Variants in VAV3 observed in about 807,000 individuals in gnomAD.
The protein encoded by VAV3 is guanine nucleotide exchange factor VAV3.
A neutral mutation model predicts 131.2 loss-of-function variants in VAV3; 94 were observed. The ratio of observed to expected loss-of-function variants is 0.72; its 90% CI spans 0.61 to 0.85. The LOEUF (loss-of-function observed/expected upper bound fraction) is 0.85. VAV3 is among the 40% of genes least tolerant of loss of function. The pLI, the probability that VAV3 is intolerant of heterozygous loss-of-function variation, is 0.00. For synonymous variants in VAV3, 349 were observed against 342.0 expected (o/e 1.02, Z -0.22); for missense variants, 939 against 1,002.7 (o/e 0.94, Z 0.86).
chr1:107,580,539 C>T (rs1649969336), intron 25 of VAV3, among the ~76,000 whole-genome samples: 5 of 152,214 alleles, frequency 3.3e-5, no homozygotes, highest in Admixed American at 3.3e-4. Context: ...CTCCTGCCAC[C>T]CAGTGTATAG....
At chr1:107,659,645 C>T (rs1016821433) in intron 19 of VAV3, among the ~76,000 whole-genome samples, 10 of 152,004 alleles carry the variant, frequency 6.6e-5, no homozygotes, top group Admixed American at 3.3e-4. Flanking sequence ...AAATGTATCC[C>T]GATTTAGTCA....
intron 19 of VAV3, among the ~76,000 whole-genome samples, chr1:107,679,985 C>T (rs761473069): frequency 1.9e-4 from 29 of 152,080 alleles, no homozygotes; most frequent in Non-Finnish European, 3.4e-4. Flanking sequence ...TAAGTTGATA[C>T]TTTTATTAGC....
chr1:107,821,954 G>T (rs1667811013), intron 2 of VAV3, among the ~76,000 whole-genome samples: 1 of 152,330 alleles, frequency 6.6e-6, no homozygotes, highest in Middle Eastern at 3.4e-3. Context: ...GGAGCAGAAA[G>T]TGGGCACTTT....
intron 1 of VAV3, among the ~76,000 whole-genome samples, chr1:107,912,115 A>C (rs1051439855): frequency 8.5e-5 from 13 of 152,204 alleles, no homozygotes; most frequent in Non-Finnish European, 1.5e-4. Flanking sequence ...AAGCTTTGTG[A>C]AATTTGTAGC....
intron 15 of VAV3, among the ~76,000 whole-genome samples, chr1:107,734,225 AG>A (rs1332169240): frequency 1.3e-5 from 2 of 152,226 alleles, no homozygotes; most frequent in Non-Finnish European, 2.9e-5. Context: ...AAACACGGAA[AG>A]GAACAACCGG....
At position 107,777,383 on chromosome 1, in the gene VAV3, A is replaced by ATT. The variant is rs1022525373; in HGVS notation, c.381-88_381-87insAA. On this transcript the variant is annotated intron_variant, in intron 3 of 26. Transcript: ENST00000370056. ...AGGCTGCGCACTTAACCCTCACTAA[A>ATT]TATGTAAGTTGTCTGCTGCCAAAAT... 2.5e-6 allele frequency: 3 copies of ATT among 1,216,936 alleles called. No homozygotes were observed. The African/African-American group carries it at 4.5e-5, about 18-fold the overall frequency. 75.4% of individuals were successfully genotyped at this position (1,216,936 alleles called of 1,614,324 possible). A position where few individuals can be genotyped will look rare whatever the true frequency, so the allele number is the denominator to read the frequency against.
chr1:107,914,780 A>G (rs1449878564), intron 1 of VAV3, among the ~76,000 whole-genome samples: 2 of 152,174 alleles, frequency 1.3e-5, no homozygotes, highest in Non-Finnish European at 2.9e-5. Context: ...CCAGCACTGT[A>G]CTAAATACTG....
intron 2 of VAV3, among the ~76,000 whole-genome samples, chr1:107,848,474 A>G (rs1350049668): frequency 6.6e-6 from 1 of 152,088 alleles, no homozygotes; most frequent in East Asian, 1.9e-4. Flanking sequence ...ATGACAAAAC[A>G]ACCAACCACA....
intron 15 of VAV3, among the ~76,000 whole-genome samples, chr1:107,732,901 C>T (rs1301677561): frequency 6.6e-6 from 1 of 152,224 alleles, no homozygotes; most frequent in African/African-American, 2.4e-5. Flanking sequence ...AATGGACAGA[C>T]TGCCTCCTCA....
At chr1:107,703,539 G>A (rs966289330) in intron 17 of VAV3, among the ~76,000 whole-genome samples, 16 of 152,146 alleles carry the variant, frequency 1.1e-4, no homozygotes, top group African/African-American at 1.9e-4. Context: ...ACAGAGAATG[G>A]CACAGAGGGT....
intron 15 of VAV3, among the ~76,000 whole-genome samples, chr1:107,732,590 C>T (rs1214925519): frequency 6.6e-6 from 1 of 152,222 alleles, no homozygotes; most frequent in Non-Finnish European, 1.5e-5. Flanking sequence ...GGTCCCATGC[C>T]CACGGAGCCT....
intron 17 of VAV3, among the ~76,000 whole-genome samples, chr1:107,697,083 T>A (rs1209904863): frequency 6.6e-6 from 1 of 152,150 alleles, no homozygotes; most frequent in Admixed American, 6.5e-5. Flanking sequence ...AAGCTCAAAC[T>A]CACACTCTAC....
intron 15 of VAV3, among the ~76,000 whole-genome samples, chr1:107,729,718 A>C (rs961131026): frequency 3.9e-5 from 6 of 152,240 alleles, no homozygotes; most frequent in African/African-American, 1.4e-4. Flanking sequence ...AAAGCATAGC[A>C]TTGTGCTTGG....
intron 1 of VAV3, among the ~76,000 whole-genome samples, chr1:107,885,302 G>A (rs1463878755): frequency 6.6e-6 from 1 of 151,544 alleles, no homozygotes; most frequent in Non-Finnish European, 1.5e-5. Flanking sequence ...TCCTTACCTG[G>A]ATAATACTGC....
intron 2 of VAV3, among the ~76,000 whole-genome samples, chr1:107,782,321 A>G (rs1364503053): frequency 6.6e-6 from 1 of 152,110 alleles, no homozygotes; most frequent in African/African-American, 2.4e-5. Context: ...AAAACCAGAA[A>G]AATGACAACC....
Position 107,583,663 on chromosome 1 carries a change from A to G in VAV3, c.2351-9465T>C, listed in dbSNP as rs1254834091. Reference sequence around the variant, plus strand: ...GTGAACTCCCATTCACAATTGCTTCAAAGAGAATAAAATACCTAGGAATCC... The same window carrying G: ...GTGAACTCCCATTCACAATTGCTTCGAAGAGAATAAAATACCTAGGAATCC... On this transcript the variant is annotated intron_variant, in intron 25 of 26. Coordinates refer to ENST00000370056, the MANE Select transcript of VAV3 (RefSeq NM_006113.5). Among the ~76,000 whole-genome samples the G allele has an allele frequency of 2.0e-5, 3 of 152,032 alleles. No individual in the cohort carries two copies. In the East Asian group the frequency reaches 5.8e-4, roughly 29 times the overall value.
chr1:107,825,533 A>G (rs900852812), intron 2 of VAV3, among the ~76,000 whole-genome samples: 20 of 152,054 alleles, frequency 1.3e-4, no homozygotes, highest in African/African-American at 4.8e-4. Context: ...CTCATGATAG[A>G]GAAAAATCTA....
At chr1:107,741,551 T>C (rs536352028) in intron 15 of VAV3, among the ~76,000 whole-genome samples, 2 of 152,190 alleles carry the variant, frequency 1.3e-5, no homozygotes, top group African/African-American at 4.8e-5. Flanking sequence ...CCTGTTGGCA[T>C]TACAAAAAAT....
chr1:107,583,500 C>T (rs892734483), intron 25 of VAV3, among the ~76,000 whole-genome samples: 2 of 152,062 alleles, frequency 1.3e-5, no homozygotes, highest in Non-Finnish European at 2.9e-5. Flanking sequence ...GATTGTATAT[C>T]TAGAAAACCC....
Sources: gnomAD v4.1 joint callset for allele counts (sites outside exome capture counted in the v4.1 genomes callset) on GRCh38, gnomAD v4.1.1 for gene constraint, MANE v1.5 for transcripts, NCBI Gene and HGNC (gene_info 2026-07-23, HGNC 2026-07-21) for gene names.